Variants in ADD2 observed in about 807,000 individuals in gnomAD.
ADD2 encodes the protein adducin 2.
Under a neutral mutation model 83.0 loss-of-function variants are expected in ADD2, and 23 were observed. That is an observed-to-expected ratio of 0.28 (90% confidence interval 0.20 to 0.39). The LOEUF is 0.39. ADD2 is among the 10% of genes least tolerant of loss of function. The pLI is 1.00. For missense variants in ADD2, 758 were observed against 944.9 expected, an observed-to-expected ratio of 0.80 and a Z score of 2.59; for synonymous variants, 375 against 375.4, an observed-to-expected ratio of 1.00 and a Z score of 0.01.
At chr2:70,756,640 A>T (rs1192954270) in intron 1 of ADD2, among the ~76,000 whole-genome samples, 2 of 152,192 alleles carry the variant, frequency 1.3e-5, no homozygotes, top group African/African-American at 4.8e-5. Flanking sequence ...CTAGAGAAGG[A>T]GGGAGCAGGC....
intron 1 of ADD2, among the ~76,000 whole-genome samples, chr2:70,730,121 C>A (rs1673206251): frequency 6.6e-6 from 1 of 152,184 alleles, no homozygotes; most frequent in African/African-American, 2.4e-5. Context: ...CAATAGTTAC[C>A]ATTTGTAAAT....
At chr2:70,680,459 A>G (rs1670401444) in intron 10 of ADD2, among the ~76,000 whole-genome samples, 1 of 152,180 alleles carries the variant, frequency 6.6e-6, no homozygotes, top group Non-Finnish European at 1.5e-5. Context: ...TGGAATTAGT[A>G]TTCCTAATTA....
intron 1 of ADD2, among the ~76,000 whole-genome samples, chr2:70,749,103 A>C (rs1553382521): frequency 6.6e-6 from 1 of 152,132 alleles, no homozygotes; most frequent in African/African-American, 2.4e-5. Context: ...AGGCCTCAGG[A>C]AACTTACAAT....
At chr2:70,725,758 G>C (rs949287111) in intron 1 of ADD2, among the ~76,000 whole-genome samples, 1 of 152,060 alleles carries the variant, frequency 6.6e-6, no homozygotes, top group Non-Finnish European at 1.5e-5. Context: ...CTCCAAAACT[G>C]TCATGGTGCT....
intron 14 of ADD2, among the ~76,000 whole-genome samples, chr2:70,673,904 G>A (rs999254289): frequency 6.6e-6 from 1 of 152,236 alleles, no homozygotes; most frequent in South Asian, 2.1e-4. Context: ...GGTTTTTTAA[G>A]TGTCTGCTTT....
intron 9 of ADD2, 110 bp downstream of exon 9, chr2:70,687,914 G>T (rs147962083): frequency 2.7e-6 from 2 of 742,330 alleles, no homozygotes; most frequent in African/African-American, 3.5e-5. Flanking sequence ...GCTTTTAGAT[G>T]GCTGGGATCA....
chr2:70,720,479 C>T (rs1672681209), intron 1 of ADD2, among the ~76,000 whole-genome samples: 1 of 152,150 alleles, frequency 6.6e-6, no homozygotes, highest in South Asian at 2.1e-4. Context: ...ACTGTCCACT[C>T]CTCTCCCCGA....
At chr2:70,691,000 C>T (rs1671002781) in intron 7 of ADD2, 71 bp from the exon 8 acceptor site, 2 of 1,518,382 alleles carry the variant, frequency 1.3e-6, no homozygotes, top group East Asian at 4.7e-5. Context: ...CACAGTCCAG[C>T]TCTACTCTGG....
chr2:70,766,848 A>G (rs1675408719), intron 1 of ADD2, among the ~76,000 whole-genome samples: 1 of 152,232 alleles, frequency 6.6e-6, no homozygotes, highest in Non-Finnish European at 1.5e-5. Context: ...AGCAAGAGGG[A>G]AGAGTGGGTG....
rs570440706 is a variant in ADD2, at chr2:70,669,408, A to G, written c.1870+3470T>C. On this transcript the variant is annotated intron_variant, in intron 15 of 15. Transcript: ENST00000264436. Reference sequence around the variant, plus strand: ...GCCCATTAGCCACACATTGAGAAACATAAGTTTAGAATGCTATGCTTTATC... The same window carrying G: ...GCCCATTAGCCACACATTGAGAAACGTAAGTTTAGAATGCTATGCTTTATC... Among the ~76,000 whole-genome samples the G allele has an allele frequency of 2.6e-5, 4 of 152,354 alleles. No individual in the cohort carries two copies. In the South Asian group the frequency reaches 6.2e-4, roughly 24 times the overall value.
At chr2:70,735,102 G>T (rs1553379864) in intron 1 of ADD2, among the ~76,000 whole-genome samples, 2 of 152,048 alleles carry the variant, frequency 1.3e-5, no homozygotes, top group Non-Finnish European at 2.9e-5. Flanking sequence ...TTTTCCTAGT[G>T]CTTTTTCCAA....
intron 3 of ADD2, among the ~76,000 whole-genome samples, chr2:70,705,775 C>T (rs1402811035): frequency 1.3e-5 from 2 of 152,198 alleles, no homozygotes; most frequent in Non-Finnish European, 2.9e-5. Flanking sequence ...TCTCCTCAGC[C>T]CCATCCCATT....
At chr2:70,671,905 G>A (rs1365554734) in intron 15 of ADD2, among the ~76,000 whole-genome samples, 4 of 152,196 alleles carry the variant, frequency 2.6e-5, no homozygotes, top group Non-Finnish European at 5.9e-5. Context: ...TCTGTCTGGT[G>A]GGGGTCTCCG....
intron 4 of ADD2, among the ~76,000 whole-genome samples, chr2:70,702,326 C>A (rs946320710): frequency 6.6e-6 from 1 of 152,128 alleles, no homozygotes; most frequent in African/African-American, 2.4e-5. Context: ...AACACCATGC[C>A]TGGCTAATTT....
intron 15 of ADD2, among the ~76,000 whole-genome samples, chr2:70,666,503 T>C (rs1675807134): frequency 6.6e-6 from 1 of 152,174 alleles, no homozygotes; most frequent in Admixed American, 6.5e-5. Flanking sequence ...ACTTGGATGA[T>C]ACATTAGGAT....
chr2:70,658,799 T>C lies in ADD2; in HGVS notation c.*4626A>G, dbSNP rs1172325402. The C allele has an allele frequency of 6.6e-6, 1 of 152,160 alleles. No homozygotes were observed. The highest frequency in any genetic ancestry group is 1.5e-5 in the Non-Finnish European group (1 of 68,040). The allele number at this position is 152,160 out of a possible 1,614,324, so 9.4% of individuals were successfully genotyped here. ...AAATGTTCTCTCATTTGTTCACTAG[T>C]CAAGAACTGATTACCCTTGTCCCAA... On this transcript the variant is annotated 3_prime_UTR_variant, in exon 16 of 16. Transcript: ENST00000264436.
chr2:70,715,276 G>A (rs1672405064), intron 1 of ADD2, among the ~76,000 whole-genome samples: 1 of 152,144 alleles, frequency 6.6e-6, no homozygotes, highest in African/African-American at 2.4e-5. Context: ...GCCATCCTGG[G>A]GGAGTTTAGA....
rs1675084566 is a variant in ADD2 at position 70,761,456 on chromosome 2, A to C, written c.-154+6430T>G. Among the ~76,000 whole-genome samples, 4 of 151,684 alleles carry C rather than the reference A, an allele frequency of 2.6e-5. No homozygotes were observed. In the South Asian group the frequency reaches 6.3e-4, roughly 24 times the overall value. The stretch of plus-strand genomic sequence containing the variant: ...AAACCTGGTCTCTACTAAAAATACA[A>C]AATTAGCCGGGCGTGGTGGCAGGTG... On this transcript the variant is annotated intron_variant, in intron 1 of 15. Transcript: ENST00000264436.
chr2:70,698,671 T>G (rs1186130479), intron 4 of ADD2, among the ~76,000 whole-genome samples: 2 of 152,174 alleles, frequency 1.3e-5, no homozygotes. Context: ...AAAATGTCGC[T>G]TGTACCCCAT....
Sources: gnomAD v4.1 joint callset for allele counts (sites outside exome capture counted in the v4.1 genomes callset) on GRCh38, gnomAD v4.1.1 for gene constraint, MANE v1.5 for transcripts, NCBI Gene and HGNC (gene_info 2026-07-23, HGNC 2026-07-21) for gene names.